The following SPSB4 variants were observed in gnomAD, a reference collection of about 807,000 sequenced individuals.
SPSB4 encodes SPRY domain-containing SOCS box protein 4.
In SPSB4, 21 loss-of-function variants were observed where a neutral mutation model predicts 20.9. The observed-to-expected ratio is 1.01, with a 90% CI of 0.71 to 1.45. The LOEUF is 1.45. Ranked by LOEUF, SPSB4 falls within the 40% of genes most tolerant of loss-of-function variation. The probability of loss-of-function intolerance (pLI) is 0.00; values close to 1 mark genes in which losing one functional copy is unlikely to be tolerated. For missense variants in SPSB4, 399 were observed against 399.2 expected (o/e 1.00, Z 0.00); for synonymous variants, 207 against 183.8 (o/e 1.13, Z -1.02).
intron 2 of SPSB4, among the ~76,000 whole-genome samples, chr3:141,098,085 A>G (rs1056393389): frequency 1.3e-5 from 2 of 152,170 alleles, no homozygotes; most frequent in Non-Finnish European, 2.9e-5. Flanking sequence ...TTTTTTTACT[A>G]ACCAGCAACT....
intron 2 of SPSB4, among the ~76,000 whole-genome samples, chr3:141,081,283 A>G (rs1472649745): frequency 1.3e-5 from 2 of 152,140 alleles, no homozygotes; most frequent in African/African-American, 4.8e-5. Context: ...TGGCTGCCCT[A>G]TTGGATGAGC....
intron 2 of SPSB4, among the ~76,000 whole-genome samples, chr3:141,104,364 T>G (rs972637320): frequency 2.0e-5 from 3 of 151,912 alleles, no homozygotes; most frequent in African/African-American, 7.3e-5. Flanking sequence ...AGAGGGAAGT[T>G]TGTGGGTAGA....
chr3:141,140,133 T>C (rs1158901822), intron 2 of SPSB4, among the ~76,000 whole-genome samples: 3 of 152,238 alleles, frequency 2.0e-5, no homozygotes, highest in African/African-American at 7.2e-5. Flanking sequence ...CGTCAGTTAC[T>C]GAGGCTTGTG....
intron 2 of SPSB4, 141 bp downstream of exon 2, chr3:141,066,939 C>G: frequency 3.6e-6 from 3 of 826,780 alleles, no homozygotes; most frequent in Non-Finnish European, 5.1e-6. Context: ...AATCCTGACT[C>G]TCTGCTGGCT....
Position 141,055,312 on chromosome 3 carries a change from G to A in SPSB4, c.-154+3320G>A, listed in dbSNP as rs192995241. On this transcript the variant is annotated intron_variant, in intron 1 of 2. Transcript: ENST00000310546. The stretch of plus-strand genomic sequence containing the variant: ...TGCTTCTGCTAGAAGGGGCAGGGGA[G>A]TGAGAGAATGTCAGCCAGGTCAGAG... 3.1e-3 allele frequency among the ~76,000 whole-genome samples: 473 copies of A among 152,290 alleles called. 1 individual carries two copies. Among genetic ancestry groups the A allele is most frequent in the Non-Finnish European group, 5.5e-3 (372 of 68,022 alleles).
At chr3:141,091,257 G>T (rs138979238) in intron 2 of SPSB4, among the ~76,000 whole-genome samples, 203 of 152,322 alleles carry the variant, frequency 1.3e-3, no homozygotes, top group African/African-American at 4.5e-3. Flanking sequence ...CAAGCCCTTG[G>T]GCACTGTAAT....
rs1329216495 is a variant in SPSB4, at chr3:141,078,388, C to G, written c.694+11590C>G. Reference sequence around the variant, plus strand: ...GAAGTCAGCTGCCTGGAATGCCTGGCTGGAAGGAGGGTGTGGGGAGTGCAA... The same window carrying G: ...GAAGTCAGCTGCCTGGAATGCCTGGGTGGAAGGAGGGTGTGGGGAGTGCAA... On this transcript the variant is annotated intron_variant, in intron 2 of 2. Transcript: ENST00000310546. 3.3e-5 allele frequency among the ~76,000 whole-genome samples: 5 copies of G among 152,144 alleles called. No individual in the cohort carries two copies. In the East Asian group the frequency reaches 9.6e-4, roughly 29 times the overall value.
chr3:141,131,454 A>G (rs1160307162), intron 2 of SPSB4, among the ~76,000 whole-genome samples: 1 of 152,094 alleles, frequency 6.6e-6, no homozygotes, highest in Non-Finnish European at 1.5e-5. Context: ...CCAGAACTCA[A>G]TTCAAGCAGC....
At chr3:141,138,295 T>C (rs1427050721) in intron 2 of SPSB4, among the ~76,000 whole-genome samples, 2 of 152,226 alleles carry the variant, frequency 1.3e-5, no homozygotes, top group South Asian at 4.1e-4. Context: ...GCTCCTGGAT[T>C]CATTGATTTT....
chr3:141,077,578 C>T (rs1938141453), intron 2 of SPSB4: 1 of 152,334 alleles, frequency 6.6e-6, no homozygotes, highest in Admixed American at 6.5e-5. Context: ...ATGAGGAGGT[C>T]CCAGGGTGAG....
At chr3:141,095,295 A>G (rs1315412563) in intron 2 of SPSB4, among the ~76,000 whole-genome samples, 1 of 152,120 alleles carries the variant, frequency 6.6e-6, no homozygotes, top group Non-Finnish European at 1.5e-5. Flanking sequence ...GCGAGGCGGA[A>G]AATTTGAGAC....
chr3:141,115,785 C>T (rs114917136), intron 2 of SPSB4, among the ~76,000 whole-genome samples: 1,578 of 152,282 alleles, frequency 0.01, 23 homozygotes, highest in African/African-American at 0.036. Flanking sequence ...TCTTCTTAGA[C>T]ACAATTTTCC....
chr3:141,067,205 C>T (rs139387263), intron 2 of SPSB4, among the ~76,000 whole-genome samples: 2 of 152,302 alleles, frequency 1.3e-5, no homozygotes, highest in African/African-American at 2.4e-5. Flanking sequence ...AATGGGAAGA[C>T]AGTGACAAGT....
chr3:141,095,370 C>T (rs767212126), intron 2 of SPSB4, among the ~76,000 whole-genome samples: 5 of 152,112 alleles, frequency 3.3e-5, no homozygotes, highest in Non-Finnish European at 7.4e-5. Context: ...ACCATGGCTA[C>T]GGAATGAATA....
intron 2 of SPSB4, among the ~76,000 whole-genome samples, chr3:141,095,084 C>T (rs1938523622): frequency 1.3e-5 from 2 of 152,084 alleles, no homozygotes; most frequent in Admixed American, 6.5e-5. Flanking sequence ...GGGCGTGTCT[C>T]GTCGGTCCCT....
intron 2 of SPSB4, among the ~76,000 whole-genome samples, chr3:141,129,764 T>C (rs1939105877): frequency 6.6e-6 from 1 of 152,248 alleles, no homozygotes; most frequent in African/African-American, 2.4e-5. Context: ...TGTTCTGGGT[T>C]GTCCCCTTTG....
At chr3:141,091,029 T>C (rs1425749774) in intron 2 of SPSB4, among the ~76,000 whole-genome samples, 5 of 152,074 alleles carry the variant, frequency 3.3e-5, no homozygotes, top group Non-Finnish European at 5.9e-5. Context: ...ACTGGAAGGA[T>C]GGAGGGGCCA....
intron 2 of SPSB4, among the ~76,000 whole-genome samples, chr3:141,112,453 G>A (rs555559793): frequency 5.2e-4 from 78 of 151,230 alleles, no homozygotes; most frequent in African/African-American, 1.8e-3. Context: ...AGACCATCCC[G>A]GCTAAAACGG....
chr3:141,093,536 T>A (rs918895453), intron 2 of SPSB4, among the ~76,000 whole-genome samples: 2 of 152,000 alleles, frequency 1.3e-5, no homozygotes, highest in African/African-American at 4.8e-5. Context: ...TTAGGTGACA[T>A]AGAGGAGGCC....
Sources: gnomAD v4.1 joint callset for allele counts (sites outside exome capture counted in the v4.1 genomes callset) on GRCh38, gnomAD v4.1.1 for gene constraint, MANE v1.5 for transcripts, NCBI Gene and HGNC (gene_info 2026-07-23, HGNC 2026-07-21) for gene names.